CACNA2D3: variants seen among roughly 807,000 people sequenced by gnomAD.
The protein encoded by CACNA2D3 is voltage-dependent calcium channel subunit alpha-2/delta-3.
In CACNA2D3, 60 loss-of-function variants were observed where a neutral mutation model predicts 160.6. The observed-to-expected ratio is 0.37, with a 90% CI of 0.30 to 0.46. CACNA2D3 has a LOEUF of 0.46. Among genes scored for constraint, CACNA2D3 ranks in the 20% least tolerant of loss-of-function variants. The pLI, the probability that CACNA2D3 is intolerant of heterozygous loss-of-function variation, is 1.00. For synonymous variants in CACNA2D3, 558 were observed against 492.9 expected (o/e 1.13, Z -1.75); for missense variants, 1,205 against 1,365.0 (o/e 0.88, Z 1.85).
intron 2 of CACNA2D3, among the ~76,000 whole-genome samples, chr3:54,233,661 G>A (rs960769170): frequency 6.6e-6 from 1 of 152,154 alleles, no homozygotes; most frequent in African/African-American, 2.4e-5. Flanking sequence ...GTAGCATTAG[G>A]GAAATGAGCA....
intron 4 of CACNA2D3, among the ~76,000 whole-genome samples, chr3:54,500,277 T>G (rs1701267022): frequency 6.6e-6 from 1 of 152,198 alleles, no homozygotes; most frequent in African/African-American, 2.4e-5. Context: ...TTTTAATATA[T>G]CTGTGTCTTT....
At chr3:54,264,916 A>G (rs546168329) in intron 2 of CACNA2D3, among the ~76,000 whole-genome samples, 113 of 152,298 alleles carry the variant, frequency 7.4e-4, no homozygotes, top group African/African-American at 2.6e-3. Context: ...ACATGAACTC[A>G]TTCTTTTTTA....
chr3:54,409,065 G>T (rs750627463), intron 4 of CACNA2D3, among the ~76,000 whole-genome samples: 1 of 152,122 alleles, frequency 6.6e-6, no homozygotes, highest in African/African-American at 2.4e-5. Context: ...ATACAGATAT[G>T]CTTCATTTTA....
intron 12 of CACNA2D3, among the ~76,000 whole-genome samples, chr3:54,760,849 T>C (rs1229114402): frequency 6.6e-6 from 1 of 152,130 alleles, no homozygotes; most frequent in African/African-American, 2.4e-5. Flanking sequence ...GGAATGGATT[T>C]GGGAAGTGAA....
chr3:54,587,626 CAA>C (rs896409236), intron 9 of CACNA2D3, among the ~76,000 whole-genome samples: 17 of 151,834 alleles, frequency 1.1e-4, no homozygotes, highest in African/African-American at 3.6e-4. Flanking sequence ...AGGAATGAAA[CAA>C]GAGACGCCAG....
At chr3:54,525,673 C>T (rs1433858099) in intron 5 of CACNA2D3, among the ~76,000 whole-genome samples, 2 of 151,922 alleles carry the variant, frequency 1.3e-5, no homozygotes, top group African/African-American at 4.8e-5. Context: ...ATTGTTTCTA[C>T]TAAGAAGTCA....
At chr3:54,216,970 C>T (rs1037168859) in intron 2 of CACNA2D3, among the ~76,000 whole-genome samples, 7 of 152,076 alleles carry the variant, frequency 4.6e-5, no homozygotes, top group African/African-American at 7.2e-5. Context: ...TAATTCCAGG[C>T]GGTGACAAGT....
intron 9 of CACNA2D3, among the ~76,000 whole-genome samples, chr3:54,591,577 T>G (rs1702860844): frequency 6.6e-6 from 1 of 151,012 alleles, no homozygotes; most frequent in African/African-American, 2.4e-5. Context: ...GTTTTTTTTT[T>G]TTTTTTTTTT....
intron 10 of CACNA2D3, among the ~76,000 whole-genome samples, chr3:54,636,714 T>G (rs1207154827): frequency 1.3e-5 from 2 of 151,928 alleles, no homozygotes; most frequent in African/African-American, 4.9e-5. Context: ...TGTTGTTTTG[T>G]AAGGGATTGA....
chr3:54,755,031 C>A (rs1036639764), intron 12 of CACNA2D3, among the ~76,000 whole-genome samples: 18 of 152,150 alleles, frequency 1.2e-4, no homozygotes, highest in African/African-American at 4.3e-4. Flanking sequence ...GTAGATAGAC[C>A]TTCCGTACTA....
intron 2 of CACNA2D3, among the ~76,000 whole-genome samples, chr3:54,179,637 T>C (rs1185104024): frequency 6.6e-6 from 1 of 152,220 alleles, no homozygotes; most frequent in Admixed American, 6.5e-5. Context: ...TATTCATATG[T>C]TGAAGCCTAA....
chr3:54,735,353 A>T (rs1443373508), intron 11 of CACNA2D3, among the ~76,000 whole-genome samples: 1 of 152,198 alleles, frequency 6.6e-6, no homozygotes, highest in Non-Finnish European at 1.5e-5. Flanking sequence ...GCATTTACAC[A>T]TCACATTGAG....
chr3:54,454,481 A>G (rs1375516), intron 4 of CACNA2D3, among the ~76,000 whole-genome samples: 70,852 of 151,894 alleles, frequency 0.47, 17,413 homozygotes, highest in Non-Finnish European at 0.55. Flanking sequence ...ATTGACACAT[A>G]ATAATTGTAC....
chr3:54,498,339 C>T (rs1475825078), intron 4 of CACNA2D3, among the ~76,000 whole-genome samples: 2 of 151,866 alleles, frequency 1.3e-5, no homozygotes, highest in East Asian at 3.8e-4. Flanking sequence ...AGGAGTTTGA[C>T]ATTTAACCTA....
At chr3:54,814,736 T>C (rs1447335303) in intron 13 of CACNA2D3, among the ~76,000 whole-genome samples, 1 of 152,166 alleles carries the variant, frequency 6.6e-6, no homozygotes, top group Non-Finnish European at 1.5e-5. Context: ...GGTCTGTCAT[T>C]TTCCTTCCCA....
chr3:54,926,661 G>A lies in CACNA2D3; in HGVS notation c.2449+26793G>A, dbSNP rs547100692. On this transcript the variant is annotated intron_variant, in intron 27 of 37. Transcript: ENST00000474759. ...AAAACTGATCTATCCACATGGATACGTGGAAAGCTAATTCATTCCTTTTAA... is the reference window on the plus strand; with the variant it reads ...AAAACTGATCTATCCACATGGATACATGGAAAGCTAATTCATTCCTTTTAA... 1.2e-4 allele frequency among the ~76,000 whole-genome samples: 19 copies of A among 152,276 alleles called. No homozygotes were observed. In the South Asian group the frequency reaches 3.1e-3, roughly 25 times the overall value.
chr3:54,782,794 A>G (rs2107132536), intron 13 of CACNA2D3, among the ~76,000 whole-genome samples: 1 of 152,314 alleles, frequency 6.6e-6, no homozygotes, highest in Admixed American at 6.5e-5. Flanking sequence ...AGAACCAAGA[A>G]GCTTGAGAGG....
intron 5 of CACNA2D3, among the ~76,000 whole-genome samples, chr3:54,548,555 C>T (rs1702102850): frequency 6.6e-6 from 1 of 152,172 alleles, no homozygotes; most frequent in African/African-American, 2.4e-5. Flanking sequence ...CTCCCATTAC[C>T]AGACCTGGCC....
chr3:54,570,765 G>A (rs150702613), intron 8 of CACNA2D3, among the ~76,000 whole-genome samples: 1 of 152,216 alleles, frequency 6.6e-6, no homozygotes, highest in East Asian at 1.9e-4. Flanking sequence ...TCACAAGGCT[G>A]GCAAATGGGA....
Sources: gnomAD v4.1 joint callset for allele counts (sites outside exome capture counted in the v4.1 genomes callset) on GRCh38, gnomAD v4.1.1 for gene constraint, MANE v1.5 for transcripts, NCBI Gene and HGNC (gene_info 2026-07-23, HGNC 2026-07-21) for gene names.